Variants in PDK3 observed in about 807,000 individuals in gnomAD.
PDK3 encodes pyruvate dehydrogenase kinase 3.
In PDK3, 12 loss-of-function variants were observed where a neutral mutation model predicts 32.0. The observed-to-expected ratio is 0.37, with a 90% CI of 0.24 to 0.61. The LOEUF (loss-of-function observed/expected upper bound fraction) is 0.61, where lower values mean the gene tolerates loss of function less well. Among genes scored for constraint, PDK3 ranks in the 20% least tolerant of loss-of-function variants. PDK3 has a pLI of 0.65. For synonymous variants in PDK3, 122 were observed against 116.3 expected (o/e 1.05, Z -0.31); for missense variants, 188 against 316.9 (o/e 0.59, Z 3.09).
At chrX:24,506,222 A>G (rs1921976323) in intron 5 of PDK3, among the ~76,000 whole-genome samples, 1 of 111,729 alleles carries the variant, frequency 9.0e-6, no homozygotes, top group African/African-American at 3.3e-5. Context: ...TTGAGTCACA[A>G]CAGATTTACT....
chrX:24,476,064 C>T (rs1392453702), intron 1 of PDK3, among the ~76,000 whole-genome samples: 1 of 111,727 alleles, frequency 9.0e-6, no homozygotes, highest in Non-Finnish European at 1.9e-5. Flanking sequence ...TATGTATAGG[C>T]ATTCCATTAT....
chrX:24,493,968 G>T (rs1921636477), intron 1 of PDK3, among the ~76,000 whole-genome samples: 1 of 111,901 alleles, frequency 8.9e-6, no homozygotes, highest in African/African-American at 3.3e-5. Flanking sequence ...AAGAGCTCAG[G>T]TTTCCTCTTT....
At chrX:24,540,916 T>C (rs1404639521) in exon 12 of PDK3, among the ~76,000 whole-genome samples, 10 of 60,360 alleles carry the variant, frequency 1.7e-4, no homozygotes, top group African/African-American at 5.3e-4. Context: ...TTTTTTTTTT[T>C]TTTTTTTTTT....
Position 24,531,698 on chromosome X carries a change from T to C in PDK3, c.1005T>C (p.Ala335=). ...GTTTGCCAATTTCCCGTCTGTATGC[T>C]AGATATTTTCAAGGAGATCTGAAAC... The part of the protein sequence containing the change: ...GYGLPISRLY[A]RYFQGDLKLY... Residue 335 remains alanine (A), a synonymous_variant, in exon 10 of 11, where the codon GCT becomes GCC. Coordinates refer to ENST00000379162, the MANE Select transcript of PDK3 (RefSeq NM_005391.5). The C allele has an allele frequency of 8.3e-7, 1 of 1,203,486 alleles. No homozygotes were observed. Among genetic ancestry groups the C allele is most frequent in the East Asian group, 3.0e-5 (1 of 33,745 alleles).
intron 1 of PDK3, among the ~76,000 whole-genome samples, chrX:24,483,687 T>C (rs1358963356): frequency 1.8e-5 from 2 of 112,080 alleles, no homozygotes; most frequent in African/African-American, 6.5e-5. Context: ...CTGGGTGTTT[T>C]AATTTTCAGT....
At chrX:24,545,099 T>G (rs1922969739) in exon 12 of PDK3, among the ~76,000 whole-genome samples, 1 of 111,792 alleles carries the variant, frequency 8.9e-6, no homozygotes, top group Non-Finnish European at 1.9e-5. Flanking sequence ...CAATTATTAG[T>G]TAGCTGATTA....
intron 1 of PDK3, among the ~76,000 whole-genome samples, chrX:24,490,447 C>T (rs2148186561): frequency 9.0e-6 from 1 of 111,455 alleles, no homozygotes; most frequent in Non-Finnish European, 1.9e-5. Flanking sequence ...CATCGAACTT[C>T]AGCACCTGAC....
At chrX:24,496,464 A>G (rs758728114) in intron 2 of PDK3, among the ~76,000 whole-genome samples, 1 of 109,809 alleles carries the variant, frequency 9.1e-6, no homozygotes, top group Non-Finnish European at 1.9e-5. Flanking sequence ...GAAAACCACA[A>G]TGTGATCATC....
chrX:24,489,684 C>CAAAAAAAAAAAAAAA (rs11309543), intron 1 of PDK3, among the ~76,000 whole-genome samples: 1 of 46,720 alleles, frequency 2.1e-5, no homozygotes, highest in Non-Finnish European at 3.8e-5. Context: ...GACTCTGTCT[C>CAAAAAAAAAAAAAAA]AAAAAAAAAA....
At chrX:24,527,704 A>T in intron 8 of PDK3, 29 bp downstream of exon 8, 1 of 816,494 alleles carries the variant, frequency 1.2e-6, no homozygotes. Context: ...TGTATACTTT[A>T]ATTATCAGTT....
intron 1 of PDK3, among the ~76,000 whole-genome samples, chrX:24,493,597 C>T (rs12556112): frequency 9.0e-6 from 1 of 111,534 alleles, no homozygotes; most frequent in Admixed American, 9.5e-5. Context: ...GCAAAGAGGC[C>T]TAGGCAGGGC....
chrX:24,519,108 A>G, intron 6 of PDK3, 98 bp downstream of exon 6: 1 of 506,954 alleles, frequency 2.0e-6, no homozygotes, highest in Non-Finnish European at 3.3e-6. Context: ...AATTATACTG[A>G]TTTTTCATTT....
intron 5 of PDK3, among the ~76,000 whole-genome samples, chrX:24,506,801 C>CTTTTTTTTTTTTTTTTTTTTTTTTT (rs10682263): frequency 2.0e-5 from 1 of 49,505 alleles, no homozygotes; most frequent in African/African-American, 8.7e-5. Context: ...TTTTTTCTTT[C>CTTTTTTTTTTTTTTTTTTTTTTTTT]TTTTTTTTTT....
At chrX:24,513,223 G>T (rs764956467) in intron 5 of PDK3, among the ~76,000 whole-genome samples, 1 of 111,504 alleles carries the variant, frequency 9.0e-6, no homozygotes, top group Admixed American at 9.6e-5. Context: ...GGAGCGTGAG[G>T]TGTGGGGGCC....
intron 1 of PDK3, among the ~76,000 whole-genome samples, chrX:24,485,077 A>G (rs1413540989): frequency 8.9e-6 from 1 of 111,970 alleles, no homozygotes; most frequent in African/African-American, 3.2e-5. Flanking sequence ...GCCAGGCGCT[A>G]TGGCTCACAC....
At chrX:24,480,052 C>T (rs776158156) in intron 1 of PDK3, among the ~76,000 whole-genome samples, 163 of 111,398 alleles carry the variant, frequency 1.5e-3, no homozygotes, top group African/African-American at 5.1e-3. Flanking sequence ...AGGGATTGGG[C>T]GCAGTGTGTG....
At chrX:24,502,477 T>C (rs777386969) in intron 3 of PDK3, among the ~76,000 whole-genome samples, 7 of 112,280 alleles carry the variant, frequency 6.2e-5, no homozygotes, top group Middle Eastern at 4.6e-3. Flanking sequence ...CATATGCATA[T>C]TTACAATAAG....
At chrX:24,544,717 A>T (rs1766671253) in exon 12 of PDK3, among the ~76,000 whole-genome samples, 1 of 111,936 alleles carries the variant, frequency 8.9e-6, no homozygotes, top group Non-Finnish European at 1.9e-5. Flanking sequence ...AGTCCGTGGT[A>T]TGGAGTTGTA....
exon 12 of PDK3, chrX:24,545,848 A>G (rs1334715396): frequency 9.0e-6 from 1 of 111,721 alleles, no homozygotes; most frequent in Non-Finnish European, 1.9e-5. Context: ...CCCACTTTCT[A>G]TTAGGGGAGA....
Sources: allele counts gnomAD v4.1 joint callset (sites outside exome capture counted in the v4.1 genomes callset), GRCh38; gene constraint gnomAD v4.1.1; transcripts MANE v1.5; gene names NCBI Gene and HGNC (gene_info 2026-07-23, HGNC 2026-07-21).